FBXO42: variants seen among roughly 807,000 people sequenced by gnomAD.
FBXO42 encodes the protein F-box protein 42.
In FBXO42, 12 loss-of-function variants were observed where a neutral mutation model predicts 71.7. The observed-to-expected ratio is 0.17, with a 90% CI of 0.11 to 0.27. The LOEUF is 0.27. FBXO42 is among the 10% of genes least tolerant of loss of function. The probability of loss-of-function intolerance (pLI) is 1.00; values close to 1 mark genes in which losing one functional copy is unlikely to be tolerated. For synonymous variants in FBXO42, 325 were observed against 327.5 expected (o/e 0.99, Z 0.08); for missense variants, 707 against 911.9 (o/e 0.78, Z 2.89).
At chr1:16,336,878 G>A (rs570781491) in intron 1 of FBXO42, among the ~76,000 whole-genome samples, 2 of 152,022 alleles carry the variant, frequency 1.3e-5, no homozygotes, top group Non-Finnish European at 2.9e-5. Flanking sequence ...CTAGCTACTT[G>A]GGAGGCTGAG....
chr1:16,298,655 G>A (rs966598558), intron 3 of FBXO42, among the ~76,000 whole-genome samples: 5 of 151,776 alleles, frequency 3.3e-5, no homozygotes, highest in Non-Finnish European at 5.9e-5. Context: ...AATTACAGGC[G>A]CCCACCACCA....
At chr1:16,346,422 C>T (rs1050617543) in intron 1 of FBXO42, among the ~76,000 whole-genome samples, 1 of 152,114 alleles carries the variant, frequency 6.6e-6, no homozygotes, top group Admixed American at 6.6e-5. Flanking sequence ...GGCGTAGTGG[C>T]TCACACCTGT....
intron 1 of FBXO42, among the ~76,000 whole-genome samples, chr1:16,328,269 G>A (rs1193175235): frequency 2.0e-5 from 3 of 152,158 alleles, no homozygotes; most frequent in Non-Finnish European, 4.4e-5. Flanking sequence ...CACCTTGGGT[G>A]GAGGAAAAGG....
At position 16,285,342 on chromosome 1, in the gene FBXO42, C is replaced by T. The variant is rs148064191; in HGVS notation, c.502+9441G>A. 2.3e-4 allele frequency among the ~76,000 whole-genome samples: 35 copies of T among 152,026 alleles called. No individual in the cohort carries two copies. The East Asian group carries it at 5.9e-3, about 26-fold the overall frequency. On this transcript the variant is annotated intron_variant, in intron 4 of 9. Coordinates refer to ENST00000375592, the MANE Select transcript of FBXO42 (RefSeq NM_018994.3). ...AGGCTGGAGTGCAATGGTGCAATCTCGGCTCACTGCAACCTCCGCCTCCTG... is the reference window on the plus strand; with the variant it reads ...AGGCTGGAGTGCAATGGTGCAATCTTGGCTCACTGCAACCTCCGCCTCCTG...
chr1:16,294,110 A>C (rs185173616), intron 4 of FBXO42: 1 of 152,430 alleles, frequency 6.6e-6, no homozygotes, highest in Admixed American at 6.5e-5. Context: ...AGAATACTTT[A>C]TACTCAGTGG....
intron 4 of FBXO42, among the ~76,000 whole-genome samples, chr1:16,284,354 CAT>C (rs1319707803): frequency 6.6e-6 from 1 of 152,196 alleles, no homozygotes. Flanking sequence ...CCTGCAATCA[CAT>C]ATTCCCTTTT....
intron 1 of FBXO42, among the ~76,000 whole-genome samples, chr1:16,316,354 C>A (rs11804252): frequency 6.6e-6 from 1 of 151,600 alleles, no homozygotes. Context: ...GTTTTCACAT[C>A]GCTCTAGTAC....
At position 16,249,645 on chromosome 1, in the gene FBXO42, G is replaced by T. The variant is rs924555286; in HGVS notation, c.*1025C>A. On this transcript the variant is annotated 3_prime_UTR_variant, in exon 10 of 10. Coordinates refer to ENST00000375592, the MANE Select transcript of FBXO42 (RefSeq NM_018994.3). ...GATTTCTCACAATATTGGCATCTTA[G>T]AATTCCCTACTGGCCCCCTAGTGAC... The T allele has an allele frequency of 6.6e-6, 1 of 152,084 alleles. No individual in the cohort carries two copies. Among genetic ancestry groups the T allele is most frequent in the African/African-American group, 2.4e-5 (1 of 41,424 alleles). 9.4% of individuals were successfully genotyped at this position (152,084 alleles called of 1,614,324 possible).
intron 6 of FBXO42, among the ~76,000 whole-genome samples, chr1:16,255,004 C>T (rs764040868): frequency 9.2e-5 from 14 of 152,156 alleles, no homozygotes; most frequent in Non-Finnish European, 1.9e-4. Flanking sequence ...TTGGAGGGCC[C>T]ACCATTTCCA....
chr1:16,350,512 A>G (rs975201286), intron 1 of FBXO42, among the ~76,000 whole-genome samples: 2 of 141,346 alleles, frequency 1.4e-5, no homozygotes, highest in Non-Finnish European at 3.0e-5. Context: ...GTATCGCTTG[A>G]GACCAGGAGT....
chr1:16,337,138 T>C lies in FBXO42; in HGVS notation c.-18+15117A>G, dbSNP rs187504784. On this transcript the variant is annotated intron_variant, in intron 1 of 9. Coordinates refer to ENST00000375592, the MANE Select transcript of FBXO42 (RefSeq NM_018994.3). ...CAAATCATTAGGTACTCAGAGGAAA[T>C]CTCATTCAATATCTCCTAAGGTTCC... 9.8e-4 allele frequency among the ~76,000 whole-genome samples: 149 copies of C among 152,162 alleles called. 1 individual carries two copies. The highest frequency in any genetic ancestry group is 3.3e-3 in the African/African-American group (137 of 41,516).
At chr1:16,256,799 C>A (rs761202514) in intron 4 of FBXO42, 40 bp from the exon 5 acceptor site, 1 of 1,607,806 alleles carries the variant, frequency 6.2e-7, no homozygotes, top group Non-Finnish European at 8.5e-7. Flanking sequence ...CATTCAGGAT[C>A]TCACAACAAT....
intron 3 of FBXO42, among the ~76,000 whole-genome samples, chr1:16,304,216 A>G (rs1347475912): frequency 2.0e-5 from 3 of 151,724 alleles, no homozygotes; most frequent in Non-Finnish European, 4.4e-5. Flanking sequence ...TCCCAGGTTC[A>G]AGCAGTTCTC....
rs191227334 is a variant in FBXO42, at chr1:16,278,305, G to A, written c.502+16478C>T. Among the ~76,000 whole-genome samples the A allele has an allele frequency of 7.9e-5, 12 of 151,272 alleles. No homozygotes were observed. The South Asian group carries it at 2.1e-3, about 26-fold the overall frequency. On this transcript the variant is annotated intron_variant, in intron 4 of 9. Transcript: ENST00000375592. ...CGGGAGGCGGAGGTTGCAGTGAGCCGGAGATCACGCCATTGCACTCCAGCC... is the reference window on the plus strand; with the variant it reads ...CGGGAGGCGGAGGTTGCAGTGAGCCAGAGATCACGCCATTGCACTCCAGCC...
chr1:16,283,494 G>GTTTTT (rs386366300), intron 4 of FBXO42, among the ~76,000 whole-genome samples: 1,372 of 80,892 alleles, frequency 0.017, 49 homozygotes, highest in Non-Finnish European at 0.021. Context: ...ACTGTGGCAA[G>GTTTTT]TTTTTTTTTT....
intron 3 of FBXO42, among the ~76,000 whole-genome samples, chr1:16,297,705 A>T (rs2082144981): frequency 6.6e-6 from 1 of 150,644 alleles, no homozygotes; most frequent in African/African-American, 2.4e-5. Flanking sequence ...TACTAAACAT[A>T]CAAAAAAAAA....
At chr1:16,292,978 C>T (rs2082095096) in intron 4 of FBXO42, 1 of 152,084 alleles carries the variant, frequency 6.6e-6, no homozygotes. Flanking sequence ...GATCTTGTCT[C>T]AAAAAACAAT....
At chr1:16,260,051 G>A (rs1481398750) in intron 4 of FBXO42, among the ~76,000 whole-genome samples, 2 of 152,158 alleles carry the variant, frequency 1.3e-5, no homozygotes, top group Non-Finnish European at 2.9e-5. Flanking sequence ...TTTGTCAACA[G>A]TGTGCCTATG....
chr1:16,287,691 T>C (rs529568411), intron 4 of FBXO42, among the ~76,000 whole-genome samples: 58 of 152,138 alleles, frequency 3.8e-4, no homozygotes, highest in Middle Eastern at 3.4e-3. Context: ...CCTCAAGCCA[T>C]CCTCCCACTC....
Sources: gnomAD v4.1 joint callset for allele counts (sites outside exome capture counted in the v4.1 genomes callset) on GRCh38, gnomAD v4.1.1 for gene constraint, MANE v1.5 for transcripts, NCBI Gene and HGNC (gene_info 2026-07-23, HGNC 2026-07-21) for gene names.